The following PUM1 variants were observed in gnomAD, a reference collection of about 807,000 sequenced individuals.
PUM1 encodes the protein pumilio homolog 1.
A neutral mutation model predicts 131.8 loss-of-function variants in PUM1; 13 were observed. That is an observed-to-expected ratio of 0.10 (90% CI 0.06 to 0.16). The LOEUF is 0.16. Among genes scored for constraint, PUM1 ranks in the 10% least tolerant of loss-of-function variants. The probability of loss-of-function intolerance (pLI) is 1.00; values close to 1 mark genes in which losing one functional copy is unlikely to be tolerated. For synonymous variants in PUM1, 509 were observed against 556.5 expected (o/e 0.91, Z 1.20); for missense variants, 961 against 1,512.4 (o/e 0.64, Z 6.05).
In PUM1 at chr1:30,932,557, A is replaced by G. The variant is rs12760571; in HGVS notation, c.*654T>C. On this transcript the variant is annotated 3_prime_UTR_variant, in exon 22 of 22. Transcript: ENST00000426105. The stretch of plus-strand genomic sequence containing the variant: ...CGAACAGCCTTCTTCAGCATAATAT[A>G]GTCTCCAAAAAAGGCATTTTTTAGA... 10 of 151,328 alleles carry G rather than the reference A, an allele frequency of 6.6e-5. No individual in the cohort carries two copies. Among genetic ancestry groups the G allele is most frequent in the Non-Finnish European group, 1.0e-4 (7 of 67,886 alleles). 9.4% of individuals were successfully genotyped at this position (151,328 alleles called of 1,614,324 possible).
chr1:31,024,030 TA>T, intron 3 of PUM1, among the ~76,000 whole-genome samples: 1 of 151,758 alleles, frequency 6.6e-6, no homozygotes, highest in Non-Finnish European at 1.5e-5. Context: ...TACTATATCC[TA>T]AAAAGGCCAG....
intron 3 of PUM1, among the ~76,000 whole-genome samples, chr1:31,010,761 G>T (rs1030146373): frequency 1.3e-5 from 2 of 152,206 alleles, no homozygotes; most frequent in Non-Finnish European, 2.9e-5. Flanking sequence ...GCTTTGAGAT[G>T]AATGCAGCCA....
At chr1:31,015,399 T>C (rs1407710551) in intron 3 of PUM1, among the ~76,000 whole-genome samples, 1 of 152,004 alleles carries the variant, frequency 6.6e-6, no homozygotes, top group Non-Finnish European at 1.5e-5. Context: ...TGGAGTGCAG[T>C]GGCATGATCT....
At chr1:31,028,287 C>T (rs1382683843) in intron 3 of PUM1, among the ~76,000 whole-genome samples, 1 of 152,148 alleles carries the variant, frequency 6.6e-6, no homozygotes, top group African/African-American at 2.4e-5. Context: ...TGTAATTCCT[C>T]CACTAGAAAC....
At chr1:31,001,226 G>A (rs764648383) in intron 5 of PUM1, among the ~76,000 whole-genome samples, 2 of 152,226 alleles carry the variant, frequency 1.3e-5, no homozygotes, top group South Asian at 4.1e-4. Context: ...TTAGCTGGGT[G>A]TGGTGGCACA....
chr1:31,012,680 A>C (rs1227878603), intron 3 of PUM1, among the ~76,000 whole-genome samples: 1 of 152,136 alleles, frequency 6.6e-6, no homozygotes, highest in South Asian at 2.1e-4. Flanking sequence ...TTTGTCTGGA[A>C]ACACCTTTTT....
In PUM1 at chr1:30,975,924, A is replaced by G. The variant is rs370135983; in HGVS notation, c.1355-1122T>C. On this transcript the variant is annotated intron_variant, in intron 9 of 21. Transcript: ENST00000426105. ...ATGGTGAAACCCCATCTCTACTAAA[A>G]AAATATATAAAAAATTAGCCGGACG... 4.5e-4 allele frequency among the ~76,000 whole-genome samples: 69 copies of G among 151,970 alleles called. 1 individual carries two copies. The South Asian group carries it at 7.3e-3, about 16-fold the overall frequency.
chr1:30,974,087 C>T (rs906626208), intron 10 of PUM1, among the ~76,000 whole-genome samples: 1 of 106,818 alleles, frequency 9.4e-6, no homozygotes, highest in African/African-American at 3.5e-5. Context: ...GACTCCATCT[C>T]AAAAAAAAAA....
intron 9 of PUM1, among the ~76,000 whole-genome samples, chr1:30,975,043 A>G (rs1323648731): frequency 6.6e-6 from 1 of 152,240 alleles, no homozygotes; most frequent in Non-Finnish European, 1.5e-5. Flanking sequence ...ATGAAACATT[A>G]GAAAACTAAA....
intron 17 of PUM1, among the ~76,000 whole-genome samples, chr1:30,948,943 C>T (rs1639807456): frequency 6.6e-6 from 1 of 152,192 alleles, no homozygotes; most frequent in African/African-American, 2.4e-5. Flanking sequence ...TAAATGAACT[C>T]CAGACCTGCT....
chr1:31,050,895 G>T, intron 2 of PUM1: 1 of 254,426 alleles, frequency 3.9e-6, no homozygotes, highest in East Asian at 1.1e-4. Context: ...AGCTCTACTG[G>T]AGCCACTCGC....
intron 4 of PUM1, among the ~76,000 whole-genome samples, chr1:31,006,458 G>C (rs1220000983): frequency 6.6e-6 from 1 of 152,048 alleles, no homozygotes; most frequent in Non-Finnish European, 1.5e-5. Context: ...CACGACATTG[G>C]CTTTTGGGTT....
In PUM1 at chr1:31,032,512, G is replaced by GT. The variant is rs758866207; in HGVS notation, c.364-3649dup. On this transcript the variant is annotated intron_variant, in intron 2 of 21. Transcript: ENST00000426105. ...GAGTCTCAGGTTAATGTTTTGTTTTGTTTTTTGAGACTCCTGCTCTGTTGC... is the reference window on the plus strand; with the variant it reads ...GAGTCTCAGGTTAATGTTTTGTTTTGTTTTTTTGAGACTCCTGCTCTGTTGC... 5.4e-5 allele frequency among the ~76,000 whole-genome samples: 8 copies of GT among 148,128 alleles called. No individual in the cohort carries two copies. In the East Asian group the frequency reaches 1.4e-3, roughly 26 times the overall value.
chr1:31,028,775 C>G, intron 3 of PUM1, 21 bp downstream of exon 3: 1 of 1,601,338 alleles, frequency 6.2e-7, no homozygotes, highest in Non-Finnish European at 8.6e-7. Context: ...ACCCACTTTT[C>G]TGACACACCA....
chr1:30,981,084 G>A (rs1481034211), intron 8 of PUM1, among the ~76,000 whole-genome samples: 2 of 152,180 alleles, frequency 1.3e-5, no homozygotes, highest in South Asian at 2.1e-4. Flanking sequence ...AACATCTGAG[G>A]TAGGGCAATG....
chr1:31,031,349 T>C (rs1198329924), intron 2 of PUM1, among the ~76,000 whole-genome samples: 1 of 152,230 alleles, frequency 6.6e-6, no homozygotes, highest in Non-Finnish European at 1.5e-5. Flanking sequence ...TCTATTTATA[T>C]GTCCCAAGGA....
intron 7 of PUM1, among the ~76,000 whole-genome samples, chr1:30,985,282 C>A (rs1641506025): frequency 1.3e-5 from 2 of 152,106 alleles, no homozygotes; most frequent in South Asian, 2.1e-4. Context: ...GAGAGTCACC[C>A]TTTACAGTTC....
chr1:31,014,493 TA>T (rs892301853), intron 3 of PUM1, among the ~76,000 whole-genome samples: 15 of 145,524 alleles, frequency 1.0e-4, no homozygotes, highest in South Asian at 6.6e-4. Context: ...ACATTAAAAT[TA>T]AAAAAAAAAG....
chr1:30,974,031 T>G (rs1237724831), intron 10 of PUM1, among the ~76,000 whole-genome samples: 1 of 150,830 alleles, frequency 6.6e-6, no homozygotes, highest in Non-Finnish European at 1.5e-5. Context: ...GAGATTGCAG[T>G]GAGCTGAGAT....
Sources: allele counts gnomAD v4.1 joint callset (sites outside exome capture counted in the v4.1 genomes callset), GRCh38; gene constraint gnomAD v4.1.1; transcripts MANE v1.5; gene names NCBI Gene and HGNC (gene_info 2026-07-23, HGNC 2026-07-21).